FHIT: variants seen among roughly 807,000 people sequenced by gnomAD.
FHIT encodes the protein fragile histidine triad diadenosine triphosphatase.
A neutral mutation model predicts 17.9 loss-of-function variants in FHIT; 19 were observed. The observed-to-expected ratio is 1.06, with a 90% confidence interval of 0.74 to 1.56. The LOEUF (loss-of-function observed/expected upper bound fraction) is 1.56, where lower values mean the gene tolerates loss of function less well. Among genes scored for constraint, FHIT ranks in the 40% most tolerant of loss-of-function variants. The pLI, the probability that FHIT is intolerant of heterozygous loss-of-function variation, is 0.00. For synonymous variants in FHIT, 81 were observed against 69.7 expected (o/e 1.16, Z -0.81); for missense variants, 248 against 189.2 (o/e 1.31, Z -1.82).
At chr3:61,039,635 T>A (rs1422028304) in intron 3 of FHIT, among the ~76,000 whole-genome samples, 1 of 152,018 alleles carries the variant, frequency 6.6e-6, no homozygotes, top group Non-Finnish European at 1.5e-5. Flanking sequence ...TTCTCTCTCA[T>A]AAGTGGGAGT....
At chr3:61,138,793 C>T (rs576198134) in intron 2 of FHIT, among the ~76,000 whole-genome samples, 26 of 152,314 alleles carry the variant, frequency 1.7e-4, no homozygotes, top group African/African-American at 5.8e-4. Flanking sequence ...AGGGCTTCCT[C>T]CTCACTGCCA....
intron 5 of FHIT, among the ~76,000 whole-genome samples, chr3:60,340,965 A>C (rs1376991732): frequency 6.6e-6 from 1 of 152,162 alleles, no homozygotes; most frequent in Non-Finnish European, 1.5e-5. Flanking sequence ...GCTGGATTAC[A>C]GGTGTGAGCC....
At chr3:61,085,852 C>G (rs553387326) in intron 2 of FHIT, among the ~76,000 whole-genome samples, 149 of 152,224 alleles carry the variant, frequency 9.8e-4, no homozygotes, top group African/African-American at 3.3e-3. Context: ...ACCTCACCTT[C>G]TTTGGAAAAA....
intron 4 of FHIT, among the ~76,000 whole-genome samples, chr3:60,553,863 A>T (rs932590715): frequency 6.6e-6 from 1 of 152,116 alleles, no homozygotes; most frequent in South Asian, 2.1e-4. Context: ...AGGAGGGCAG[A>T]TCACTTGAGG....
chr3:60,841,979 G>T (rs1553745139), intron 3 of FHIT, among the ~76,000 whole-genome samples: 1 of 152,140 alleles, frequency 6.6e-6, no homozygotes, highest in African/African-American at 2.4e-5. Flanking sequence ...CTTTAGATGT[G>T]AATCGAACTA....
intron 3 of FHIT, among the ~76,000 whole-genome samples, chr3:60,838,700 A>T (rs965299412): frequency 3.3e-5 from 5 of 152,148 alleles, no homozygotes; most frequent in African/African-American, 9.7e-5. Flanking sequence ...GAGCTAAAAA[A>T]ATATACAATA....
At position 60,316,191 on chromosome 3, in the gene FHIT, CTATAAAAA is replaced by C. The variant is rs1402143051; in HGVS notation, c.103+220661_103+220668del. Among the ~76,000 whole-genome samples the C allele has an allele frequency of 2.6e-5, 4 of 152,130 alleles. No homozygotes were observed. In the East Asian group the frequency reaches 7.7e-4, roughly 29 times the overall value. The stretch of plus-strand genomic sequence containing the variant: ...CTTAAGGATACATGCAGTAAGCTAA[CTATAAAAA>C]TAGAAACTTGACAGTGGGGATGTAT... On this transcript the variant is annotated intron_variant, in intron 5 of 9. Transcript: ENST00000492590.
rs182648235 is a variant in FHIT, at chr3:60,324,378, A to G, written c.103+212482T>C. 4.0e-5 allele frequency among the ~76,000 whole-genome samples: 6 copies of G among 151,626 alleles called. No homozygotes were observed. The East Asian group carries it at 7.8e-4, about 20-fold the overall frequency. ...GGCTGGTGAATCATGAGGTCAGGAG[A>G]TGGAGACCATCCTGGCTAACATGGT... On this transcript the variant is annotated intron_variant, in intron 5 of 9. Transcript: ENST00000492590.
intron 4 of FHIT, among the ~76,000 whole-genome samples, chr3:60,658,936 G>A (rs967510390): frequency 1.3e-5 from 2 of 149,214 alleles, no homozygotes; most frequent in African/African-American, 4.9e-5. Context: ...TACAGAGCAT[G>A]TGTAGTGGTA....
At chr3:59,755,321 G>A (rs1281076280) in intron 8 of FHIT, among the ~76,000 whole-genome samples, 2 of 152,172 alleles carry the variant, frequency 1.3e-5, no homozygotes, top group Non-Finnish European at 2.9e-5. Context: ...CCTGGGAAAG[G>A]CCCTGGTGGG....
At chr3:59,750,281 A>AAGGCTAAAGCTTT (rs1700822312) in intron 9 of FHIT, 1 of 225,822 alleles carries the variant, frequency 4.4e-6, no homozygotes, top group African/African-American at 2.2e-5. Context: ...CCTTGGGAAA[A>AAGGCTAAAGCTTT]AGGCTAAAGC....
intron 4 of FHIT, among the ~76,000 whole-genome samples, chr3:60,819,636 T>C (rs1177398993): frequency 6.6e-6 from 1 of 152,200 alleles, no homozygotes; most frequent in Non-Finnish European, 1.5e-5. Context: ...TGAAAGCTTC[T>C]GTATACCAGC....
In FHIT at chr3:61,246,235, G is replaced by A. The variant is rs147652535; in HGVS notation, c.-213+5066C>T. On this transcript the variant is annotated intron_variant, in intron 1 of 9. Coordinates refer to ENST00000492590, the MANE Select transcript of FHIT (RefSeq NM_002012.4). ...AACCAGCCACCCTCAGGACTGCTCCGTCTATGGAGTAGCCATCCTTTTATT... is the reference window on the plus strand; with the variant it reads ...AACCAGCCACCCTCAGGACTGCTCCATCTATGGAGTAGCCATCCTTTTATT... Among the ~76,000 whole-genome samples, 527 of 152,252 alleles carry A rather than the reference G, an allele frequency of 3.5e-3. 4 individuals are homozygous for A. Among genetic ancestry groups the A allele is most frequent in the African/African-American group, 0.012 (502 of 41,554 alleles).
intron 5 of FHIT, among the ~76,000 whole-genome samples, chr3:60,367,066 T>C (rs748585053): frequency 6.6e-6 from 1 of 152,224 alleles, no homozygotes; most frequent in Non-Finnish European, 1.5e-5. Context: ...TAGGCCATTA[T>C]CAATGAGACT....
chr3:59,965,435 G>A (rs1358084121), intron 7 of FHIT, among the ~76,000 whole-genome samples: 3 of 152,094 alleles, frequency 2.0e-5, no homozygotes, highest in African/African-American at 7.2e-5. Context: ...TTATTTAAGA[G>A]GTGACAAGTT....
At chr3:60,290,111 T>G (rs866182029) in intron 5 of FHIT, among the ~76,000 whole-genome samples, 2 of 152,190 alleles carry the variant, frequency 1.3e-5, no homozygotes, top group Non-Finnish European at 2.9e-5. Context: ...TAACCTCTTA[T>G]GCTTCAGCAT....
At chr3:60,491,011 A>G (rs2034040437) in intron 5 of FHIT, among the ~76,000 whole-genome samples, 1 of 152,202 alleles carries the variant, frequency 6.6e-6, no homozygotes, top group African/African-American at 2.4e-5. Context: ...TGAGAAGCAA[A>G]TAAACTAGAT....
intron 5 of FHIT, among the ~76,000 whole-genome samples, chr3:60,374,898 A>G (rs777412188): frequency 6.6e-6 from 1 of 152,090 alleles, no homozygotes; most frequent in African/African-American, 2.4e-5. Context: ...CAGTCAGTTA[A>G]CAGGATATTA....
intron 2 of FHIT, among the ~76,000 whole-genome samples, chr3:61,175,016 G>A (rs1403722763): frequency 8.7e-6 from 1 of 115,492 alleles, no homozygotes; most frequent in African/African-American, 3.2e-5. Flanking sequence ...TAAATGAAGA[G>A]AAGACCTGGA....
Sources: gnomAD v4.1 joint callset for allele counts (sites outside exome capture counted in the v4.1 genomes callset) on GRCh38, gnomAD v4.1.1 for gene constraint, MANE v1.5 for transcripts, NCBI Gene and HGNC (gene_info 2026-07-23, HGNC 2026-07-21) for gene names.